ADAM18: variants seen among roughly 807,000 people sequenced by gnomAD.
ADAM18 encodes ADAM metallopeptidase domain 18.
In ADAM18, 117 loss-of-function variants were observed where a neutral mutation model predicts 94.4. That is an observed-to-expected ratio of 1.24 (90% confidence interval 1.07 to 1.45). The LOEUF (loss-of-function observed/expected upper bound fraction) is 1.45. Among genes scored for constraint, ADAM18 ranks in the 40% most tolerant of loss-of-function variants. The probability of loss-of-function intolerance (pLI) is 0.00; values close to 1 mark genes in which losing one functional copy is unlikely to be tolerated. For missense variants in ADAM18, 936 were observed against 880.0 expected, an observed-to-expected ratio of 1.06 and a Z score of -0.81; for synonymous variants, 327 against 291.6, an observed-to-expected ratio of 1.12 and a Z score of -1.24.
chr8:39,632,607 T>A (rs1448721538), intron 7 of ADAM18, among the ~76,000 whole-genome samples: 1 of 152,170 alleles, frequency 6.6e-6, no homozygotes, highest in East Asian at 1.9e-4. Context: ...AATAATGGTA[T>A]GCTATATTCC....
chr8:39,700,965 A>C, intron 17 of ADAM18, among the ~76,000 whole-genome samples: 1 of 150,930 alleles, frequency 6.6e-6, no homozygotes, highest in Non-Finnish European at 1.5e-5. Context: ...AAAAATACAA[A>C]AAATTAGCCG....
At chr8:39,594,177 C>T (rs567426785) in intron 2 of ADAM18, among the ~76,000 whole-genome samples, 19 of 152,124 alleles carry the variant, frequency 1.2e-4, no homozygotes, top group Admixed American at 5.2e-4. Context: ...ATTACATGTA[C>T]GTAACTTTTC....
chr8:39,641,152 T>A (rs1585928545), intron 10 of ADAM18, among the ~76,000 whole-genome samples: 1 of 152,162 alleles, frequency 6.6e-6, no homozygotes, highest in East Asian at 1.9e-4. Context: ...GTTTTACATT[T>A]AAGTCTTTAA....
At chr8:39,597,226 A>G (rs886850785) in intron 2 of ADAM18, among the ~76,000 whole-genome samples, 1 of 152,000 alleles carries the variant, frequency 6.6e-6, no homozygotes, top group Admixed American at 6.6e-5. Flanking sequence ...TCTGTGGTTT[A>G]TCTCTTCATA....
intron 6 of ADAM18, among the ~76,000 whole-genome samples, chr8:39,616,573 G>A (rs1052268268): frequency 1.6e-4 from 25 of 152,218 alleles, no homozygotes; most frequent in African/African-American, 5.8e-4. Context: ...AAGGAATTCT[G>A]AGCTAAAAGA....
chr8:39,658,842 C>T lies in ADAM18; in HGVS notation c.1231-4953C>T, dbSNP rs780493830. Among the ~76,000 whole-genome samples the T allele has an allele frequency of 1.9e-4, 29 of 152,258 alleles. No individual in the cohort carries two copies. In the Middle Eastern group the frequency reaches 0.01, roughly 54 times the overall value. On this transcript the variant is annotated intron_variant, in intron 12 of 19. Transcript: ENST00000265707. ...AATAATGCTTCTGGAGAGTACCGTA[C>T]ATGCCCCTCTTCATTATAACCTGAA... is the stretch of plus-strand genomic sequence containing the variant.
intron 18 of ADAM18, among the ~76,000 whole-genome samples, chr8:39,713,588 T>C (rs939083639): frequency 2.6e-5 from 4 of 151,692 alleles, no homozygotes; most frequent in African/African-American, 9.7e-5. Context: ...ACAAACAAAT[T>C]TACAAGAAAA....
chr8:39,620,366 A>G (rs71518172), intron 6 of ADAM18, among the ~76,000 whole-genome samples: 33,673 of 136,410 alleles, frequency 0.25, 4,672 homozygotes, highest in East Asian at 0.48. Context: ...GCAAAAAAAA[A>G]AAAAAAAACA....
At chr8:39,717,830 A>AAATATATAAG (rs1276857905) in intron 18 of ADAM18, among the ~76,000 whole-genome samples, 1 of 151,634 alleles carries the variant, frequency 6.6e-6, no homozygotes, top group Non-Finnish European at 1.5e-5. Context: ...TTAATATCCA[A>AAATATATAAG]AATATATAAG....
chr8:39,610,831 T>C, intron 6 of ADAM18, 125 bp downstream of exon 6: 1 of 1,301,534 alleles, frequency 7.7e-7, no homozygotes, highest in Non-Finnish European at 9.9e-7. Context: ...TTTTTCTACC[T>C]TTAAATAAAA....
intron 15 of ADAM18, among the ~76,000 whole-genome samples, chr8:39,678,290 T>A (rs1821350902): frequency 6.6e-6 from 1 of 152,220 alleles, no homozygotes; most frequent in Admixed American, 6.5e-5. Flanking sequence ...TCAGTATTGT[T>A]CAAAGCAATA....
chr8:39,692,200 C>A (rs1821800991), intron 16 of ADAM18, among the ~76,000 whole-genome samples: 1 of 151,736 alleles, frequency 6.6e-6, no homozygotes, highest in Admixed American at 6.6e-5. Context: ...AAAACCTAAA[C>A]AAAATGATTT....
chr8:39,677,264 A>T (rs555344684), intron 14 of ADAM18, among the ~76,000 whole-genome samples, 167 bp from the exon 15 acceptor site: 5 of 152,340 alleles, frequency 3.3e-5, no homozygotes, highest in African/African-American at 9.6e-5. Flanking sequence ...TGTGTGTAAG[A>T]TAAGACAATT....
At chr8:39,677,952 G>C (rs747817351) in intron 15 of ADAM18, among the ~76,000 whole-genome samples, 1 of 152,144 alleles carries the variant, frequency 6.6e-6, no homozygotes, top group Non-Finnish European at 1.5e-5. Context: ...ACATCAATAT[G>C]TAAAGCATGG....
chr8:39,649,022 C>A (rs1820456791), intron 12 of ADAM18, among the ~76,000 whole-genome samples: 1 of 151,784 alleles, frequency 6.6e-6, no homozygotes, highest in South Asian at 2.1e-4. Context: ...ATGTATATAC[C>A]CGATTATAAT....
rs185288108 is a variant in ADAM18, at chr8:39,662,400, G to A, written c.1231-1395G>A. 4.1e-3 allele frequency among the ~76,000 whole-genome samples: 620 copies of A among 152,024 alleles called. 5 individuals carry two copies. The highest frequency in any genetic ancestry group is 7.5e-3 in the Non-Finnish European group (511 of 67,980). ...ATATTATTTGATTGTATAAGCATAC[G>A]TCCATTTACATGCATACATATGAAA... On this transcript the variant is annotated intron_variant, in intron 12 of 19. Transcript: ENST00000265707.
chr8:39,676,027 A>G (rs1821291474), intron 14 of ADAM18, among the ~76,000 whole-genome samples: 1 of 152,188 alleles, frequency 6.6e-6, no homozygotes, highest in Non-Finnish European at 1.5e-5. Flanking sequence ...GGGTCATCCC[A>G]GAGGGGCAGC....
intron 17 of ADAM18, among the ~76,000 whole-genome samples, chr8:39,694,632 G>C (rs979973435): frequency 6.6e-6 from 1 of 151,326 alleles, no homozygotes; most frequent in Admixed American, 6.6e-5. Flanking sequence ...AGCAACGTTT[G>C]GTTTACATAA....
chr8:39,637,019 T>TA (rs1820091771), intron 7 of ADAM18, among the ~76,000 whole-genome samples: 1 of 54,852 alleles, frequency 1.8e-5, no homozygotes, highest in African/African-American at 6.0e-5. Flanking sequence ...TGTGTGTATT[T>TA]TATATATATA....
Sources: allele counts gnomAD v4.1 joint callset (sites outside exome capture counted in the v4.1 genomes callset), GRCh38; gene constraint gnomAD v4.1.1; transcripts MANE v1.5; gene names NCBI Gene and HGNC (gene_info 2026-07-23, HGNC 2026-07-21).